The following ITGA7 variants were observed in gnomAD, a reference collection of about 807,000 sequenced individuals.
ITGA7 encodes integrin alpha-7.
ITGA7 carries 84 observed loss-of-function variants against 131.6 expected under a neutral mutation model. That is an observed-to-expected ratio of 0.64 (90% CI 0.54 to 0.77). The LOEUF is 0.77. Among genes scored for constraint, ITGA7 ranks in the 30% least tolerant of loss-of-function variants. The probability of loss-of-function intolerance (pLI) is 0.00; values close to 1 mark genes in which losing one functional copy is unlikely to be tolerated. For missense variants in ITGA7, 1,399 were observed against 1,482.9 expected (o/e 0.94, Z 0.93); for synonymous variants, 548 against 600.7 (o/e 0.91, Z 1.28).
intron 3 of ITGA7, chr12:55,701,510 G>A: frequency 8.0e-7 from 1 of 1,245,552 alleles, no homozygotes; most frequent in Non-Finnish European, 1.1e-6. Context: ...GCTTGGCCCT[G>A]TCCCTGGACC....
At position 55,688,930 on chromosome 12, in the gene ITGA7, C is replaced by T. The variant is rs1036920767; in HGVS notation, c.2872G>A (p.Val958Met). 8.7e-6 allele frequency: 14 copies of T among 1,613,828 alleles called. No individual in the cohort carries two copies. Among genetic ancestry groups the T allele is most frequent in the East Asian group, 2.2e-5 (1 of 44,886 alleles). Residue 958 changes from valine to methionine, a missense_variant, in exon 22 of 25, where the codon GTG becomes ATG. Coordinates refer to ENST00000257879, the MANE Select transcript of ITGA7 (RefSeq NM_002206.3). ...CTGTAGAGTGGGCAGCTGAACACCA[C>T]ACAGTTGGCCGTGCCCCGGGCGCAG... ...LDCARGTANC[V>M]VFSCPLYSFD...
chr12:55,694,377 C>T lies in ITGA7; in HGVS notation c.2358-47G>A, dbSNP rs774032029. ...GTATGGGCATCAGGCACAGGCACCT[C>T]CCAAGGGGTCAGATGAGGTCAATAT... On this transcript the variant is annotated intron_variant, in intron 17 of 24. Transcript: ENST00000257879. The surrounding 1 kb of genome is among the most constrained non-coding windows in gnomAD (Gnocchi z 5.3). The T allele has an allele frequency of 6.8e-6, 11 of 1,613,178 alleles. No homozygotes were observed. Among genetic ancestry groups the T allele is most frequent in the African/African-American group, 1.3e-5 (1 of 75,032 alleles).
intron 1 of ITGA7, among the ~76,000 whole-genome samples, chr12:55,705,786 G>A (rs374409689): frequency 6.6e-6 from 1 of 152,238 alleles, no homozygotes; most frequent in South Asian, 2.1e-4. Context: ...CCTTTTTACA[G>A]TTGAGGGAAG....
At chr12:55,685,315 A>G in intron 24 of ITGA7, 27 bp from the exon 25 acceptor site, 1 of 1,604,060 alleles carries the variant, frequency 6.2e-7, no homozygotes, top group Non-Finnish European at 8.5e-7. Context: ...CCAGACCATG[A>G]GGAGCCTGAA....
Position 55,692,679 on chromosome 12 carries a change from G to T in ITGA7, c.2844+165C>A, listed in dbSNP as rs57272846. 8.7e-3 allele frequency among the ~76,000 whole-genome samples: 1,324 copies of T among 152,262 alleles called. 18 individuals carry two copies. The highest frequency in any genetic ancestry group is 0.03 in the African/African-American group (1,264 of 41,548). Reference sequence around the variant, plus strand: ...GCAATTGCAGGGGCTGAGCAGGAAGGGGGTCTGCAGTGTCAGTAGCTGCCT... The same window carrying T: ...GCAATTGCAGGGGCTGAGCAGGAAGTGGGTCTGCAGTGTCAGTAGCTGCCT... On this transcript the variant is annotated intron_variant, in intron 21 of 24. Coordinates refer to ENST00000257879, the MANE Select transcript of ITGA7 (RefSeq NM_002206.3).
chr12:55,708,647 A>G (rs1417269219), upstream of ITGA7, among the ~76,000 whole-genome samples: 1 of 152,262 alleles, frequency 6.6e-6, no homozygotes, highest in Non-Finnish European at 1.5e-5. Context: ...GGATGATTAC[A>G]GGAAGAGGAA....
intron 13 of ITGA7, 85 bp from the exon 14 acceptor site, chr12:55,695,722 T>A: frequency 1.1e-6 from 1 of 900,808 alleles, no homozygotes; most frequent in Non-Finnish European, 1.9e-6. Context: ...TGGGTTAGAG[T>A]ATCACAGGAT....
Position 55,702,855 on chromosome 12 carries a change from T to A in ITGA7, c.414+17A>T. ...CACACCCCATCCGTGCATTCAGTCATGAGAAGCAATACTCACAACAATCTT... is the reference window on the plus strand; with the variant it reads ...CACACCCCATCCGTGCATTCAGTCAAGAGAAGCAATACTCACAACAATCTT... On this transcript the variant is annotated intron_variant, in intron 3 of 24. Transcript: ENST00000257879. 6.2e-7 allele frequency: 1 copy of A among 1,605,738 alleles called. No homozygotes were observed. Among genetic ancestry groups the A allele is most frequent in the South Asian group, 1.1e-5 (1 of 90,932 alleles).
Position 55,693,310 on chromosome 12 carries a change from T to C in ITGA7, c.2543A>G (p.Asn848Ser), listed in dbSNP as rs767625401. ...SKVKYEVTVS[N>S]QGQSLRTLGS... ...CAGGGTTCTGAGCGACTGGCCTTGG[T>C]TGGAAACCTGTGGGAAAAAGAGAGT... Residue 848 changes from asparagine (N) to serine (S), a missense_variant, in exon 20 of 25, where the codon AAC (asparagine) becomes AGC (serine). Asn to Ser is a conservative substitution (Grantham distance 46, BLOSUM62 1). Transcript: ENST00000257879. 1 of 1,613,846 alleles carries C rather than the reference T, an allele frequency of 6.2e-7. No homozygotes were observed. Among genetic ancestry groups the C allele is most frequent in the Non-Finnish European group, 8.5e-7 (1 of 1,179,970 alleles).
In ITGA7 at chr12:55,701,744, C is replaced by T. The variant is rs796913328; in HGVS notation, c.415-590G>A. On this transcript the variant is annotated intron_variant, in intron 3 of 24. Coordinates refer to ENST00000257879, the MANE Select transcript of ITGA7 (RefSeq NM_002206.3). ...TACAGGCATGCACCACCATGACTGG[C>T]TAATTTGTTTTTATTTTTTATAAAG... Among the ~76,000 whole-genome samples the T allele has an allele frequency of 8.3e-4, 126 of 152,190 alleles. 1 individual carries two copies. Among genetic ancestry groups the T allele is most frequent in the African/African-American group, 3.0e-3 (124 of 41,508 alleles).
chr12:55,694,448 C>A lies in ITGA7; in HGVS notation c.2352G>T (p.Leu784Phe), dbSNP rs1872176263. ...TCCGGCCCCGCCTGGCTTACGTGGC[C>A]AACAGCAGCTCTACCTCCAGTTCCG... The part of the protein sequence containing the change: ...ETTELEVELL[L>F]ATISEQELHP... Residue 784 changes from leucine to phenylalanine, a missense_variant, in exon 17 of 25, where the codon TTG becomes TTT. Coordinates refer to ENST00000257879, the MANE Select transcript of ITGA7 (RefSeq NM_002206.3). This position sits in a 1 kb window ranked among gnomAD's most constrained non-coding sequence, Gnocchi z 5.3. 6.2e-7 allele frequency: 1 copy of A among 1,614,170 alleles called. No individual in the cohort carries two copies. The highest frequency in any genetic ancestry group is 1.3e-5 in the African/African-American group (1 of 75,048).
At chr12:55,707,915 G>T, upstream of ITGA7, 2 of 1,390,692 alleles carry the variant, frequency 1.4e-6, no homozygotes, top group Non-Finnish European at 1.9e-6. Flanking sequence ...TCCGGCTCCC[G>T]CCTCCTCTCC....
intron 13 of ITGA7, 94 bp from the exon 14 acceptor site, chr12:55,695,731 A>G (rs1363327006): frequency 1.2e-6 from 1 of 842,920 alleles, no homozygotes; most frequent in Non-Finnish European, 2.1e-6. Flanking sequence ...GTATCACAGG[A>G]TTAAACAACC....
intron 3 of ITGA7, 56 bp downstream of exon 3, chr12:55,702,816 A>AACACACACACAC: frequency 1.5e-6 from 2 of 1,350,840 alleles, no homozygotes; most frequent in South Asian, 2.4e-5. Flanking sequence ...ACACACCATA[A>AACACACACACAC]ACACACACAC....
At chr12:55,702,470 G>T (rs1290622765) in intron 3 of ITGA7, among the ~76,000 whole-genome samples, 4 of 151,812 alleles carry the variant, frequency 2.6e-5, no homozygotes, top group Non-Finnish European at 4.4e-5. Context: ...ACCCGGCCAC[G>T]CCCGGCTAAT....
upstream of ITGA7, chr12:55,716,057 C>G: frequency 1.3e-6 from 2 of 1,557,706 alleles, no homozygotes; most frequent in Non-Finnish European, 1.7e-6. Flanking sequence ...GTGACATGGC[C>G]CCGGGGAGCC....
In ITGA7 at chr12:55,707,459, G is replaced by C. The variant is rs1481594612; in HGVS notation, c.206+18C>G. 3 of 1,603,410 alleles carry C rather than the reference G, an allele frequency of 1.9e-6. No individual in the cohort carries two copies. The South Asian group carries it at 3.3e-5, about 18-fold the overall frequency. ...TGTGGCTCGGGCATGGCGACTCTGG[G>C]CGGGTGCGGTGACTCACCAGCTCTG... On this transcript the variant is annotated intron_variant, in intron 1 of 24. Coordinates refer to ENST00000257879, the MANE Select transcript of ITGA7 (RefSeq NM_002206.3).
rs750994196 is a variant in ITGA7, at chr12:55,697,486, C to T, written c.1470G>A (p.Leu490=). The T allele has an allele frequency of 1.6e-5, 26 of 1,614,046 alleles. No homozygotes were observed. In the South Asian group the frequency reaches 2.3e-4, roughly 14 times the overall value. Residue 490 remains leucine, a synonymous_variant, in exon 10 of 25, where the codon CTG becomes CTA. Coordinates refer to ENST00000257879, the MANE Select transcript of ITGA7 (RefSeq NM_002206.3). ...GGCCGCCAGCACAGTTGGGCTGCTC[C>T]AGGTCGATGCTTCGTGGAGCAATAG... ...EVSIAPRSID[L]EQPNCAGGHS...
At chr12:55,713,591 G>T (rs1055436601), upstream of ITGA7, among the ~76,000 whole-genome samples, 8 of 152,336 alleles carry the variant, frequency 5.3e-5, no homozygotes, top group African/African-American at 1.9e-4. Context: ...AACTGTTCTA[G>T]GGATTAAATG....
Sources: allele counts gnomAD v4.1 joint callset (sites outside exome capture counted in the v4.1 genomes callset), GRCh38; gene constraint gnomAD v4.1.1; non-coding constraint Gnocchi (gnomAD v3.1); transcripts MANE v1.5; gene names NCBI Gene and HGNC (gene_info 2026-07-23, HGNC 2026-07-21).